CRY1: variants seen among roughly 807,000 people sequenced by gnomAD.
CRY1 encodes the protein cryptochrome circadian regulator 1.
Under a neutral mutation model 76.0 loss-of-function variants are expected in CRY1, and 45 were observed. The ratio of observed to expected loss-of-function variants is 0.59; its 90% CI spans 0.47 to 0.76. CRY1 has a LOEUF of 0.76. Among genes scored for constraint, CRY1 ranks in the 30% least tolerant of loss-of-function variants. The pLI, the probability that CRY1 is intolerant of heterozygous loss-of-function variation, is 0.00. For synonymous variants in CRY1, 248 were observed against 244.0 expected (o/e 1.02, Z -0.15); for missense variants, 587 against 716.4 (o/e 0.82, Z 2.06).
At chr12:107,000,508 C>T (rs1434207893) in intron 5 of CRY1, among the ~76,000 whole-genome samples, 3 of 152,076 alleles carry the variant, frequency 2.0e-5, no homozygotes, top group African/African-American at 7.2e-5. Context: ...CGCCACCACG[C>T]CCGGCTAATT....
intron 1 of CRY1, among the ~76,000 whole-genome samples, chr12:107,064,265 A>G (rs1593533668): frequency 6.6e-6 from 1 of 152,230 alleles, no homozygotes; most frequent in Admixed American, 6.5e-5. Flanking sequence ...AAACTCAGTA[A>G]TAAGAAAATA....
chr12:107,002,792 G>A (rs1952326365), intron 3 of CRY1, among the ~76,000 whole-genome samples: 1 of 152,152 alleles, frequency 6.6e-6, no homozygotes, highest in African/African-American at 2.4e-5. Context: ...TCTTTCCCGT[G>A]CTGTTCTCAT....
rs538007690 is a variant in CRY1 at position 107,006,954 on chromosome 12, T to C, written c.268-1706A>G. On this transcript the variant is annotated intron_variant, in intron 2 of 12. Coordinates refer to ENST00000008527, the MANE Select transcript of CRY1 (RefSeq NM_004075.5). Reference sequence around the variant, plus strand: ...CCACCATGCCCAGCCAGTAATTGTTTTTAAATGTCTGCTAAACTATTAGGA... The same window carrying C: ...CCACCATGCCCAGCCAGTAATTGTTCTTAAATGTCTGCTAAACTATTAGGA... Among the ~76,000 whole-genome samples the C allele has an allele frequency of 2.6e-4, 40 of 152,210 alleles. No individual in the cohort carries two copies. In the South Asian group the frequency reaches 8.3e-3, roughly 32 times the overall value.
In CRY1 at chr12:107,020,515, T is replaced by C. The variant is rs547084043; in HGVS notation, c.267+1569A>G. 2.8e-4 allele frequency among the ~76,000 whole-genome samples: 39 copies of C among 139,692 alleles called. 2 individuals carry two copies. In the South Asian group the frequency reaches 9.4e-3, roughly 34 times the overall value. The allele number at this position is 139,692 out of a possible 152,430, so 91.6% of individuals were successfully genotyped here. On this transcript the variant is annotated intron_variant, in intron 2 of 12. Transcript: ENST00000008527. ...GGTGCTCTGATAGTGAGTGAGTGCT[T>C]GCAAGATCTGTTTTTTTTTTTGTTT...
chr12:106,999,883 A>T (rs762546831), intron 6 of CRY1, 21 bp from the exon 7 acceptor site: 1 of 1,592,246 alleles, frequency 6.3e-7, no homozygotes, highest in South Asian at 1.2e-5. Flanking sequence ...AAAGCAAAGA[A>T]GTATTATCAG....
intron 1 of CRY1, among the ~76,000 whole-genome samples, chr12:107,071,708 AAAAT>A (rs992241591): frequency 1.3e-5 from 2 of 152,206 alleles, no homozygotes; most frequent in African/African-American, 4.8e-5. Flanking sequence ...AAAGAAGAAA[AAAAT>A]AAATATCTAT....
chr12:107,093,223 C>T lies in CRY1; in HGVS notation c.-262G>A. ...TAGGAGCCCGCGCCCGCCGCAACCGCCTGGAGGCGACGCATAACTTCGAGG... is the reference window on the plus strand; with the variant it reads ...TAGGAGCCCGCGCCCGCCGCAACCGTCTGGAGGCGACGCATAACTTCGAGG... On this transcript the variant is annotated 5_prime_UTR_variant, in exon 1 of 13. Coordinates refer to ENST00000008527, the MANE Select transcript of CRY1 (RefSeq NM_004075.5). 1 of 416,250 alleles carries T rather than the reference C, an allele frequency of 2.4e-6. No homozygotes were observed. Among genetic ancestry groups the T allele is most frequent in the Non-Finnish European group, 4.2e-6 (1 of 235,940 alleles). 25.8% of individuals were successfully genotyped at this position (416,250 alleles called of 1,614,324 possible). A position where few individuals can be genotyped will look rare whatever the true frequency, so the allele number is the denominator to read the frequency against.
chr12:107,079,965 C>T (rs1301544783), intron 1 of CRY1, among the ~76,000 whole-genome samples: 1 of 152,020 alleles, frequency 6.6e-6, no homozygotes, highest in Non-Finnish European at 1.5e-5. Flanking sequence ...GCAAGGGGGA[C>T]AATGATTTGT....
chr12:107,043,193 A>C (rs1952818582), intron 1 of CRY1: 1 of 152,282 alleles, frequency 6.6e-6, no homozygotes, highest in Non-Finnish European at 1.5e-5. Context: ...GGGGCCAAGC[A>C]GAGACAGAGC....
rs185993682 is a variant in CRY1, at chr12:107,013,038, C to T, written c.268-7790G>A. On this transcript the variant is annotated intron_variant, in intron 2 of 12. Coordinates refer to ENST00000008527, the MANE Select transcript of CRY1 (RefSeq NM_004075.5). ...CTGGTGAAGATGCTGTGAACATCAT[C>T]AAAATGATAAAAAAGGATTTAGGTT... 2.8e-3 allele frequency among the ~76,000 whole-genome samples: 426 copies of T among 152,228 alleles called. 2 individuals are homozygous for T. Among genetic ancestry groups the T allele is most frequent in the Middle Eastern group, 6.8e-3 (2 of 294 alleles).
At chr12:107,017,177 A>G (rs1952505624) in intron 2 of CRY1, among the ~76,000 whole-genome samples, 1 of 152,228 alleles carries the variant, frequency 6.6e-6, no homozygotes, top group Non-Finnish European at 1.5e-5. Flanking sequence ...TGAAGCTCCT[A>G]ACATGATCTA....
chr12:107,050,427 T>A (rs1173596692), intron 1 of CRY1: 2 of 152,210 alleles, frequency 1.3e-5, no homozygotes, highest in Non-Finnish European at 2.9e-5. Flanking sequence ...GTTGGTGCTA[T>A]CGTCATGATG....
chr12:107,000,055 G>C lies in CRY1; in HGVS notation c.712C>G (p.Arg238Gly), dbSNP rs369511480. Residue 238 changes from arginine to glycine, a missense_variant, in exon 6 of 13, where the codon CGA becomes GGA. Arg to Gly is a moderately radical substitution (Grantham distance 125). Transcript: ENST00000008527. ...KAWVANFERP[R>G]MNANSLLASP... ...GCAAGCAGAGAATTCGCATTCATTCGAGGTCTTTCAAAATTTGCCACCCAA... is the reference window on the plus strand; with the variant it reads ...GCAAGCAGAGAATTCGCATTCATTCCAGGTCTTTCAAAATTTGCCACCCAA... 1 of 1,604,146 alleles carries C rather than the reference G, an allele frequency of 6.2e-7. No homozygotes were observed. The highest frequency in any genetic ancestry group is 8.5e-7 in the Non-Finnish European group (1 of 1,177,482).
intron 2 of CRY1, among the ~76,000 whole-genome samples, chr12:107,013,361 T>C (rs1038160059): frequency 6.6e-6 from 1 of 152,200 alleles, no homozygotes; most frequent in Non-Finnish European, 1.5e-5. Flanking sequence ...ATCACTAGCA[T>C]TTTTTTAGCA....
At chr12:106,995,017 T>G (rs1378216925) in intron 10 of CRY1, among the ~76,000 whole-genome samples, 1 of 152,242 alleles carries the variant, frequency 6.6e-6, no homozygotes, top group Non-Finnish European at 1.5e-5. Context: ...TGTAAACACT[T>G]ATGGCATTCC....
At chr12:107,091,985 T>G (rs1953477431) in intron 1 of CRY1, among the ~76,000 whole-genome samples, 1 of 152,214 alleles carries the variant, frequency 6.6e-6, no homozygotes, top group Non-Finnish European at 1.5e-5. Context: ...TATCACCACC[T>G]AAAATACTAC....
chr12:107,085,411 C>A (rs530109015), intron 1 of CRY1, among the ~76,000 whole-genome samples: 1 of 152,220 alleles, frequency 6.6e-6, no homozygotes, highest in East Asian at 1.9e-4. Flanking sequence ...TTGGAACCAA[C>A]CCAAATGCCC....
chr12:107,043,755 GTAT>G (rs1033017353), intron 1 of CRY1, among the ~76,000 whole-genome samples: 1 of 152,132 alleles, frequency 6.6e-6, no homozygotes, highest in Non-Finnish European at 1.5e-5. Flanking sequence ...GCCATTCTGG[GTAT>G]TTGCTGCCAC....
intron 1 of CRY1, among the ~76,000 whole-genome samples, chr12:107,029,813 A>T (rs1420651472): frequency 1.3e-5 from 2 of 152,214 alleles, no homozygotes; most frequent in Admixed American, 6.5e-5. Flanking sequence ...TATGTAAATA[A>T]ATACTACAGA....
Sources: allele counts gnomAD v4.1 joint callset (sites outside exome capture counted in the v4.1 genomes callset), GRCh38; gene constraint gnomAD v4.1.1; transcripts MANE v1.5; gene names NCBI Gene and HGNC (gene_info 2026-07-23, HGNC 2026-07-21).